PLCL1: variants seen among roughly 807,000 people sequenced by gnomAD.
The protein encoded by PLCL1 is inactive phospholipase C-like protein 1.
In PLCL1, 41 loss-of-function variants were observed where a neutral mutation model predicts 84.4. The observed-to-expected ratio is 0.49, with a 90% CI of 0.38 to 0.63. The LOEUF (loss-of-function observed/expected upper bound fraction) is 0.63, where lower values mean the gene tolerates loss of function less well. Among genes scored for constraint, PLCL1 ranks in the 30% least tolerant of loss-of-function variants. The pLI, the probability that PLCL1 is intolerant of heterozygous loss-of-function variation, is 0.00. For missense variants in PLCL1, 1,206 were observed against 1,367.8 expected (o/e 0.88, Z 1.87); for synonymous variants, 490 against 488.3 (o/e 1.00, Z -0.05).
Position 197,958,361 on chromosome 2 carries a change from T to TAA in PLCL1, c.241-125389_241-125388dup, listed in dbSNP as rs35333689. Among the ~76,000 whole-genome samples, 329 of 150,024 alleles carry TAA rather than the reference T, an allele frequency of 2.2e-3. 1 individual carries two copies. Among genetic ancestry groups the TAA allele is most frequent in the African/African-American group, 4.5e-3 (185 of 40,878 alleles). On this transcript the variant is annotated intron_variant, in intron 1 of 5. Transcript: ENST00000428675. ...CTAATATTAACCATAGCTTATGAGCTAAAAAAAAAGAATCGCAAAAAAAAA... is the reference window on the plus strand; with the variant it reads ...CTAATATTAACCATAGCTTATGAGCTAAAAAAAAAAAGAATCGCAAAAAAAAA...
chr2:197,893,145 A>T (rs995480996), intron 1 of PLCL1, among the ~76,000 whole-genome samples: 12 of 152,226 alleles, frequency 7.9e-5, no homozygotes, highest in African/African-American at 2.9e-4. Context: ...TTTCTTAATC[A>T]GATATAACCA....
At chr2:197,837,057 A>G (rs1691207095) in intron 1 of PLCL1, among the ~76,000 whole-genome samples, 2 of 152,160 alleles carry the variant, frequency 1.3e-5, no homozygotes, top group Admixed American at 1.3e-4. Context: ...ATTAAAAAAA[A>G]TCTAAATCAT....
At chr2:198,070,233 A>G (rs1037955615) in intron 1 of PLCL1, among the ~76,000 whole-genome samples, 3 of 152,172 alleles carry the variant, frequency 2.0e-5, no homozygotes, top group Admixed American at 1.3e-4. Context: ...ATCCTAATTC[A>G]ATATAGCAGA....
chr2:197,936,573 T>C (rs780158841), intron 1 of PLCL1, among the ~76,000 whole-genome samples: 1 of 152,174 alleles, frequency 6.6e-6, no homozygotes, highest in Non-Finnish European at 1.5e-5. Context: ...GTTCAAGTCT[T>C]TTCCCTGTTT....
At chr2:198,000,741 T>C (rs562304871) in intron 1 of PLCL1, among the ~76,000 whole-genome samples, 5 of 146,226 alleles carry the variant, frequency 3.4e-5, no homozygotes, top group African/African-American at 7.6e-5. Context: ...TTATTTCCCT[T>C]TTTTTTTTTT....
chr2:197,901,417 T>C (rs545214794), intron 1 of PLCL1, among the ~76,000 whole-genome samples: 12 of 152,116 alleles, frequency 7.9e-5, no homozygotes, highest in Non-Finnish European at 1.6e-4. Flanking sequence ...TCACTACCAG[T>C]AAAGATTCAG....
intron 1 of PLCL1, among the ~76,000 whole-genome samples, chr2:197,943,766 T>C (rs1326132747): frequency 6.6e-6 from 1 of 152,152 alleles, no homozygotes; most frequent in East Asian, 1.9e-4. Flanking sequence ...AATTGCCTCA[T>C]TTTTTCCTTT....
chr2:197,906,412 T>C (rs1232015826), intron 1 of PLCL1, among the ~76,000 whole-genome samples: 9 of 152,068 alleles, frequency 5.9e-5, no homozygotes, highest in Non-Finnish European at 1.0e-4. Flanking sequence ...TTCTGTTCTA[T>C]TGGTCTATAT....
intron 1 of PLCL1, among the ~76,000 whole-genome samples, chr2:198,062,523 CTTT>C (rs142637548): frequency 6.6e-6 from 1 of 152,104 alleles, no homozygotes; most frequent in African/African-American, 2.4e-5. Flanking sequence ...TACCCTTCCT[CTTT>C]TTTTCTGAAC....
At chr2:197,974,894 C>A (rs1559061537) in intron 1 of PLCL1, among the ~76,000 whole-genome samples, 1 of 152,118 alleles carries the variant, frequency 6.6e-6, no homozygotes, top group Non-Finnish European at 1.5e-5. Flanking sequence ...GTAATCCCAG[C>A]ACTTTGGGAG....
chr2:197,812,670 G>T (rs1383750238), intron 1 of PLCL1, among the ~76,000 whole-genome samples: 1 of 152,152 alleles, frequency 6.6e-6, no homozygotes, highest in Non-Finnish European at 1.5e-5. Context: ...AGGCAAACTT[G>T]TATTATTTAC....
At chr2:197,821,858 A>C (rs1690824073) in intron 1 of PLCL1, among the ~76,000 whole-genome samples, 1 of 152,176 alleles carries the variant, frequency 6.6e-6, no homozygotes, top group Admixed American at 6.6e-5. Flanking sequence ...TAAAACAGTT[A>C]GTCGTGGGAT....
chr2:197,979,679 A>G lies in PLCL1; in HGVS notation c.241-104079A>G, dbSNP rs1033329129. On this transcript the variant is annotated intron_variant, in intron 1 of 5. Transcript: ENST00000428675. ...AATCCCAGTTGCCTTCCCCAGGTTC[A>G]TCTCTTGTCACTTGCTTAGCTGTGT... Among the ~76,000 whole-genome samples, 22 of 152,180 alleles carry G rather than the reference A, an allele frequency of 1.4e-4. 1 individual carries two copies. Among genetic ancestry groups the G allele is most frequent in the Non-Finnish European group, 2.9e-4 (20 of 67,994 alleles).
chr2:198,019,854 C>T (rs1175982254), intron 1 of PLCL1, among the ~76,000 whole-genome samples: 1 of 152,168 alleles, frequency 6.6e-6, no homozygotes, highest in Non-Finnish European at 1.5e-5. Context: ...CTGAGCAAGA[C>T]AGGCCAACAT....
chr2:198,105,222 T>C (rs1470529514), intron 5 of PLCL1, among the ~76,000 whole-genome samples: 2 of 151,988 alleles, frequency 1.3e-5, no homozygotes, highest in Non-Finnish European at 2.9e-5. Flanking sequence ...CCAATTTCAA[T>C]CTTCTGCACA....
chr2:198,037,793 T>C (rs1457171613), intron 1 of PLCL1, among the ~76,000 whole-genome samples: 1 of 152,160 alleles, frequency 6.6e-6, no homozygotes, highest in Non-Finnish European at 1.5e-5. Context: ...TATTGTTTCT[T>C]TGAAAAATAA....
At chr2:198,121,492 GAGAT>G (rs1693865399) in intron 5 of PLCL1, among the ~76,000 whole-genome samples, 1 of 152,024 alleles carries the variant, frequency 6.6e-6, no homozygotes, top group African/African-American at 2.4e-5. Context: ...TAAATGGTGA[GAGAT>G]AGGGATCTAG....
intron 1 of PLCL1, among the ~76,000 whole-genome samples, chr2:197,998,173 CTATGTGTGTGTGTG>C: frequency 1.3e-5 from 1 of 77,342 alleles, no homozygotes; most frequent in Middle Eastern, 7.8e-3. Context: ...AAGAATGGAG[CTATGTGTGTGTGTG>C]TGTGTGTGTG....
chr2:198,141,910 A>C (rs16827896), intron 5 of PLCL1, among the ~76,000 whole-genome samples: 3,682 of 152,278 alleles, frequency 0.024, 141 homozygotes, highest in African/African-American at 0.084. Flanking sequence ...GGGTTTTCCT[A>C]TTCCCAGAGT....
Sources: gnomAD v4.1 joint callset for allele counts (sites outside exome capture counted in the v4.1 genomes callset) on GRCh38, gnomAD v4.1.1 for gene constraint, MANE v1.5 for transcripts, NCBI Gene and HGNC (gene_info 2026-07-23, HGNC 2026-07-21) for gene names.